The following ANKRD52 variants were observed in gnomAD, a reference collection of about 807,000 sequenced individuals.
The protein encoded by ANKRD52 is ankyrin repeat domain 52.
A neutral mutation model predicts 116.0 loss-of-function variants in ANKRD52; 7 were observed. That is an observed-to-expected ratio of 0.06 (90% CI 0.03 to 0.11). The LOEUF (loss-of-function observed/expected upper bound fraction) is 0.11. ANKRD52 is among the 10% of genes least tolerant of loss of function. The pLI is 1.00. For synonymous variants in ANKRD52, 528 were observed against 578.1 expected, an observed-to-expected ratio of 0.91 and a Z score of 1.24; for missense variants, 839 against 1,408.6, an observed-to-expected ratio of 0.60 and a Z score of 6.47.
chr12:56,245,983 G>A (rs1387830170), intron 20 of ANKRD52, among the ~76,000 whole-genome samples: 2 of 151,936 alleles, frequency 1.3e-5, no homozygotes, highest in Non-Finnish European at 2.9e-5. Context: ...CCAAAGTGCT[G>A]GGATTACAGG....
rs1357975972 is a variant in ANKRD52 at position 56,254,428 on chromosome 12, G to A, written c.694-149C>T. On this transcript the variant is annotated intron_variant, in intron 7 of 27. Coordinates refer to ENST00000267116, the MANE Select transcript of ANKRD52 (RefSeq NM_173595.4). This position sits in a 1 kb window ranked among gnomAD's most constrained non-coding sequence, Gnocchi z 4.6. ...GTACTAAGGTACTAAGGGCACTATG[G>A]CTAAGGTAAGCATTATTCAGACCCT... is the stretch of plus-strand genomic sequence containing the variant. The A allele has an allele frequency of 7.0e-7, 1 of 1,438,466 alleles. No homozygotes were observed. Among genetic ancestry groups the A allele is most frequent in the Non-Finnish European group, 9.4e-7 (1 of 1,063,694 alleles). The allele number at this position is 1,438,466 out of a possible 1,614,324, so 89.1% of individuals were successfully genotyped here. A position where few individuals can be genotyped will look rare whatever the true frequency, so the allele number is the denominator to read the frequency against.
chr12:56,253,773 T>C lies in ANKRD52; in HGVS notation c.934A>G (p.Met312Val), dbSNP rs752933810. Residue 312 changes from methionine (M) to valine (V), a missense_variant, in exon 9 of 28, where the codon ATG becomes GTG. Physicochemically the swap from Met to Val is conservative, Grantham distance 21. This residue lies in a region of ANKRD52 where 287 missense variants were observed against 598.1 expected (regional missense o/e 0.48). Coordinates refer to ENST00000267116, the MANE Select transcript of ANKRD52 (RefSeq NM_173595.4). This position sits in a 1 kb window ranked among gnomAD's most constrained non-coding sequence, Gnocchi z 5.5. The part of the protein sequence containing the change: ...QSKEGKSPLH[M>V]AAIHGRFTRS... The stretch of plus-strand genomic sequence containing the variant: ...GTGAAACGGCCATGGATTGCAGCCA[T>C]GTGCAGAGGACTTTTCCCTTCTTTG... 2 of 1,613,978 alleles carry C rather than the reference T, an allele frequency of 1.2e-6. No individual in the cohort carries two copies. The highest frequency in any genetic ancestry group is 1.7e-6 in the Non-Finnish European group (2 of 1,179,878).
Position 56,254,772 on chromosome 12 carries a change from C to T in ANKRD52, c.551-52G>A. 1 of 1,599,538 alleles carries T rather than the reference C, an allele frequency of 6.3e-7. No homozygotes were observed. Among genetic ancestry groups the T allele is most frequent in the Non-Finnish European group, 8.6e-7 (1 of 1,167,986 alleles). ...GAAGTAGAAGGTAAACTCTAAGACC[C>T]TACACTCCTCTCTTCAAAGGCTGCA... On this transcript the variant is annotated intron_variant, in intron 6 of 27. Coordinates refer to ENST00000267116, the MANE Select transcript of ANKRD52 (RefSeq NM_173595.4). This position sits in a 1 kb window ranked among gnomAD's most constrained non-coding sequence, Gnocchi z 4.6.
At chr12:56,256,499 C>T (rs1046603087) in intron 4 of ANKRD52, among the ~76,000 whole-genome samples, 1 of 152,224 alleles carries the variant, frequency 6.6e-6, no homozygotes, top group African/African-American at 2.4e-5. Flanking sequence ...CCACTGGCCT[C>T]GGCCCCTCCC....
intron 2 of ANKRD52, 114 bp downstream of exon 2, chr12:56,257,714 G>T: frequency 9.7e-7 from 1 of 1,031,352 alleles, no homozygotes; most frequent in Non-Finnish European, 1.5e-6. Context: ...AGGATGGAAA[G>T]AACTGCGGCC....
At chr12:56,250,016 A>G (rs1459739229) in intron 15 of ANKRD52, among the ~76,000 whole-genome samples, 1 of 151,824 alleles carries the variant, frequency 6.6e-6, no homozygotes, top group African/African-American at 2.4e-5. Context: ...CAGCCTGGGC[A>G]ACAGAGTGAG....
In ANKRD52 at chr12:56,253,578, T is replaced by C; in HGVS notation, c.985+144A>G. On this transcript the variant is annotated intron_variant, in intron 9 of 27. Coordinates refer to ENST00000267116, the MANE Select transcript of ANKRD52 (RefSeq NM_173595.4). The surrounding 1 kb of genome is among the most constrained non-coding windows in gnomAD (Gnocchi z 5.5). The stretch of plus-strand genomic sequence containing the variant: ...ACTGGGCAGGGCAGAGCAGGGCCAT[T>C]TCCACAGGTCCCTTGGTCAGAGTTC... The C allele has an allele frequency of 1.0e-6, 1 of 999,562 alleles. No homozygotes were observed. The highest frequency in any genetic ancestry group is 1.5e-6 in the Non-Finnish European group (1 of 671,212). The allele number at this position is 999,562 out of a possible 1,614,324, so 61.9% of individuals were successfully genotyped here.
Position 56,255,328 on chromosome 12 carries a change from C to T in ANKRD52, c.463-376G>A, listed in dbSNP as rs924507955. Among the ~76,000 whole-genome samples, 17 of 151,942 alleles carry T rather than the reference C, an allele frequency of 1.1e-4. No homozygotes were observed. Among genetic ancestry groups the T allele is most frequent in the African/African-American group, 4.1e-4 (17 of 41,354 alleles). On this transcript the variant is annotated intron_variant, in intron 5 of 27. Coordinates refer to ENST00000267116, the MANE Select transcript of ANKRD52 (RefSeq NM_173595.4). The surrounding 1 kb of genome is among the most constrained non-coding windows in gnomAD (Gnocchi z 4.3). ...GCCTCAGTCTCCCGAGTAGCTGGGA[C>T]TACAGGCGGCCGCCACCACACCCGG...
rs1449775366 is a variant in ANKRD52 at position 56,243,449 on chromosome 12, C to T, written c.2981-57G>A. On this transcript the variant is annotated intron_variant, in intron 27 of 27. Transcript: ENST00000267116. The surrounding 1 kb of genome is among the most constrained non-coding windows in gnomAD (Gnocchi z 4.6). Reference sequence around the variant, plus strand: ...GAGTCCTGTATCCTAGCCAGCCTCCCCCAAGCCCTGAAGTCTCTTCTCTGT... The same window carrying T: ...GAGTCCTGTATCCTAGCCAGCCTCCTCCAAGCCCTGAAGTCTCTTCTCTGT... The T allele has an allele frequency of 1.9e-6, 3 of 1,555,904 alleles. No individual in the cohort carries two copies. Among genetic ancestry groups the T allele is most frequent in the African/African-American group, 1.4e-5 (1 of 73,752 alleles).
chr12:56,258,031 G>A, intron 1 of ANKRD52, 120 bp from the exon 2 acceptor site: 1 of 1,305,008 alleles, frequency 7.7e-7, no homozygotes, highest in Non-Finnish European at 1.1e-6. Flanking sequence ...CTCCACTCTA[G>A]GGATTCTGGC....
chr12:56,252,407 T>A lies in ANKRD52; in HGVS notation c.1371-92A>T. The A allele has an allele frequency of 5.0e-6, 8 of 1,593,566 alleles. No homozygotes were observed. The highest frequency in any genetic ancestry group is 6.9e-6 in the Non-Finnish European group (8 of 1,162,156). On this transcript the variant is annotated intron_variant, in intron 13 of 27. Coordinates refer to ENST00000267116, the MANE Select transcript of ANKRD52 (RefSeq NM_173595.4). The surrounding 1 kb of genome is among the most constrained non-coding windows in gnomAD (Gnocchi z 4.7). ...AGCCAAATGCTGCTTTGTAACATTC[T>A]CCTTATTTAAGTCTCCAATCTAAAC...
chr12:56,244,908 T>C lies in ANKRD52; in HGVS notation c.2574A>G (p.Gly858=). The C allele has an allele frequency of 6.2e-7, 1 of 1,613,860 alleles. No individual in the cohort carries two copies. The highest frequency in any genetic ancestry group is 8.5e-7 in the Non-Finnish European group (1 of 1,179,846). Reference sequence around the variant, plus strand: ...TTCCCAAGTCTTCCATCACTCACCGTCCTTTGGCATCTCGGCTGTTCACAA... The same window carrying C: ...TTCCCAAGTCTTCCATCACTCACCGCCCTTTGGCATCTCGGCTGTTCACAA... ...AKIVNSRDAK[G]RTPLHAAAFA... Residue 858 remains glycine, a splice_region_variant and synonymous_variant, in exon 23 of 28, where the codon GGA becomes GGG. Coordinates refer to ENST00000267116, the MANE Select transcript of ANKRD52 (RefSeq NM_173595.4). This position sits in a 1 kb window ranked among gnomAD's most constrained non-coding sequence, Gnocchi z 4.9.
chr12:56,244,699 C>T lies in ANKRD52; in HGVS notation c.2675G>A (p.Arg892His), dbSNP rs201659742. 1.6e-4 allele frequency: 258 copies of T among 1,613,794 alleles called. No individual in the cohort carries two copies. Among genetic ancestry groups the T allele is most frequent in the Non-Finnish European group, 2.0e-4 (237 of 1,179,916 alleles). Residue 892 changes from arginine (R) to histidine (H), a missense_variant, in exon 24 of 28, where the codon CGC (arginine) becomes CAC (histidine). Around this residue, in one of 2 missense-constraint regions of ANKRD52, gnomAD observed 552 missense variants for 810.6 expected, o/e 0.68. Transcript: ENST00000267116. This position sits in a 1 kb window ranked among gnomAD's most constrained non-coding sequence, Gnocchi z 4.9. Reference protein sequence around the residue: ...AEVNATDHTGRTALMTAAENG... With the variant: ...AEVNATDHTGHTALMTAAENG... ...CTCAGCCGCCGTCATGAGCGCAGTG[C>T]GGCCAGTGTGGTCAGTGGCGTTCAC... is the stretch of plus-strand genomic sequence containing the variant.
chr12:56,251,977 G>A, intron 15 of ANKRD52, 38 bp downstream of exon 15: 1 of 1,598,956 alleles, frequency 6.3e-7, no homozygotes, highest in Non-Finnish European at 8.6e-7. Flanking sequence ...TGCATGGGTT[G>A]GGGAAAGCAC....
Position 56,257,852 on chromosome 12 carries a change from C to T in ANKRD52, c.87G>A (p.Ser29=). Residue 29 remains serine (S), a synonymous_variant, in exon 2 of 28, where the codon TCG becomes TCA. Transcript: ENST00000267116. ...CCAGCACATTGATGTTCTCCTTCTG[C>T]GAGAGTAGGGAACGCACTTCCTCCA... ...RDVEEVRSLL[S]QKENINVLDQ... The T allele has an allele frequency of 6.2e-7, 1 of 1,613,758 alleles. No individual in the cohort carries two copies. Among genetic ancestry groups the T allele is most frequent in the Non-Finnish European group, 8.5e-7 (1 of 1,179,860 alleles).
rs200871691 is a variant in ANKRD52, at chr12:56,252,785, G to A, written c.1296C>T (p.Ser432=). 2.9e-4 allele frequency: 471 copies of A among 1,613,264 alleles called. 1 individual carries two copies. The highest frequency in any genetic ancestry group is 3.7e-4 in the Non-Finnish European group (439 of 1,179,796). The change falls in exon 12 of 28, where the codon TCC becomes TCT. Residue 432 remains serine (S), a synonymous_variant. Transcript: ENST00000267116. This position sits in a 1 kb window ranked among gnomAD's most constrained non-coding sequence, Gnocchi z 4.7. ...GAGAGAGAAAGAGAACTCACCCTCC[G>A]GAAGCAGCAGCATGAAGACAGGTAC... ...LGRTCLHAAA[S]GGNVECLNLL... is the part of the protein sequence containing the mutation.
intron 15 of ANKRD52, among the ~76,000 whole-genome samples, chr12:56,250,746 A>G (rs1007248736): frequency 8.6e-5 from 13 of 151,032 alleles, no homozygotes; most frequent in East Asian, 1.9e-4. Context: ...AAAAAAAAAA[A>G]AAAGAAAGAA....
Position 56,243,671 on chromosome 12 carries a change from GAA to G in ANKRD52, c.2980+112_2980+113del, listed in dbSNP as rs1871266928. ...AGTACTGGTGTGGGCTCCCTGCTCT[GAA>G]GAGTTCCCTTGGGAAGAAAATCCCA... On this transcript the variant is annotated intron_variant, in intron 27 of 27. Coordinates refer to ENST00000267116, the MANE Select transcript of ANKRD52 (RefSeq NM_173595.4). This position sits in a 1 kb window ranked among gnomAD's most constrained non-coding sequence, Gnocchi z 4.6. 4 of 1,205,840 alleles carry G rather than the reference GAA, an allele frequency of 3.3e-6. No homozygotes were observed. The highest frequency in any genetic ancestry group is 2.2e-5 in the Admixed American group (1 of 44,598). 74.7% of individuals were successfully genotyped at this position (1,205,840 alleles called of 1,614,324 possible).
At position 56,248,077 on chromosome 12, in the gene ANKRD52, C is replaced by A. The variant is rs947124545; in HGVS notation, c.1924G>T (p.Ala642Ser). The part of the protein sequence containing the change: ...ECVEVLTAHG[A>S]SALIKERKRK... ...TTGCGCTCCTTGATGAGGGCAGAGG[C>A]GCCGTGGGCTGTAAGCACCTCCACA... is the stretch of plus-strand genomic sequence containing the variant. Residue 642 changes from alanine (A) to serine (S), a missense_variant, in exon 18 of 28, where the codon GCC becomes TCC. By Grantham distance (99) the Ala-to-Ser change is moderately conservative. This residue lies in a region of ANKRD52 where 552 missense variants were observed against 810.6 expected (regional missense o/e 0.68). Coordinates refer to ENST00000267116, the MANE Select transcript of ANKRD52 (RefSeq NM_173595.4). This position sits in a 1 kb window ranked among gnomAD's most constrained non-coding sequence, Gnocchi z 5.1. The A allele has an allele frequency of 1.2e-6, 2 of 1,611,748 alleles. No individual in the cohort carries two copies. The highest frequency in any genetic ancestry group is 2.7e-5 in the African/African-American group (2 of 74,928).
Sources: gnomAD v4.1 joint callset for allele counts (sites outside exome capture counted in the v4.1 genomes callset) on GRCh38, gnomAD v4.1.1 for gene constraint, gnomAD v4.1.1 regional missense constraint, Gnocchi (gnomAD v3.1) non-coding constraint, MANE v1.5 for transcripts, NCBI Gene and HGNC (gene_info 2026-07-23, HGNC 2026-07-21) for gene names.